NTRK2: variants seen among roughly 807,000 people sequenced by gnomAD.
The protein encoded by NTRK2 is BDNF/NT-3 growth factors receptor.
Under a neutral mutation model 94.5 loss-of-function variants are expected in NTRK2, and 13 were observed. The observed-to-expected ratio is 0.14, with a 90% CI of 0.09 to 0.22. The LOEUF (loss-of-function observed/expected upper bound fraction) is 0.22. NTRK2 is among the 10% of genes least tolerant of loss of function. NTRK2 has a pLI of 1.00. For synonymous variants in NTRK2, 372 were observed against 407.4 expected (o/e 0.91, Z 1.05); for missense variants, 639 against 1,071.2 (o/e 0.60, Z 5.63).
intron 15 of NTRK2, among the ~76,000 whole-genome samples, chr9:84,938,176 G>A (rs906250527): frequency 8.5e-5 from 13 of 152,310 alleles, no homozygotes; most frequent in African/African-American, 3.1e-4. Flanking sequence ...ACTTCAGCAA[G>A]CACTTTCGTT....
chr9:84,929,991 G>A (rs745588688), intron 14 of NTRK2, among the ~76,000 whole-genome samples: 1 of 152,200 alleles, frequency 6.6e-6, no homozygotes, highest in Non-Finnish European at 1.5e-5. Context: ...ATGCTTATGT[G>A]ATAGCTTATT....
intron 17 of NTRK2, among the ~76,000 whole-genome samples, chr9:85,013,189 G>T (rs1054579108): frequency 7.2e-5 from 11 of 152,134 alleles, no homozygotes; most frequent in Non-Finnish European, 1.5e-4. Flanking sequence ...ATAGCTACGT[G>T]CCTAGAAGCC....
chr9:84,869,526 C>T (rs1197379705), intron 14 of NTRK2, among the ~76,000 whole-genome samples: 1 of 152,028 alleles, frequency 6.6e-6, no homozygotes, highest in African/African-American at 2.4e-5. Flanking sequence ...TCTTTCCTTC[C>T]CTTCACCCTT....
At chr9:84,713,011 G>A (rs1389465482) in intron 6 of NTRK2, among the ~76,000 whole-genome samples, 1 of 152,142 alleles carries the variant, frequency 6.6e-6, no homozygotes, top group Non-Finnish European at 1.5e-5. Context: ...AGAATTGTTG[G>A]TTTATGTGGT....
At chr9:84,795,399 G>A (rs909232901) in intron 12 of NTRK2, among the ~76,000 whole-genome samples, 2 of 152,202 alleles carry the variant, frequency 1.3e-5, no homozygotes, top group African/African-American at 4.8e-5. Flanking sequence ...TTTGGGGACA[G>A]AGGAACTATG....
chr9:84,895,420 C>T (rs2076728905), intron 14 of NTRK2, among the ~76,000 whole-genome samples: 1 of 152,174 alleles, frequency 6.6e-6, no homozygotes, highest in Non-Finnish European at 1.5e-5. Context: ...TATACTTCAT[C>T]CCGGCAGCCA....
intron 2 of NTRK2, among the ~76,000 whole-genome samples, chr9:84,685,335 A>G (rs2059643322): frequency 1.3e-5 from 2 of 150,952 alleles, no homozygotes; most frequent in South Asian, 4.2e-4. Context: ...TTTACATGCC[A>G]GCATTAAATT....
intron 10 of NTRK2, 117 bp downstream of exon 10, chr9:84,742,044 A>G: frequency 1.2e-6 from 1 of 839,814 alleles, no homozygotes; most frequent in Non-Finnish European, 1.9e-6. Flanking sequence ...TAAGCATTAC[A>G]TAGGCCAAAA....
intron 2 of NTRK2, among the ~76,000 whole-genome samples, chr9:84,682,378 G>C (rs116129801): frequency 6.6e-6 from 1 of 152,104 alleles, no homozygotes; most frequent in Non-Finnish European, 1.5e-5. Flanking sequence ...TGCAAGCAGC[G>C]CAAAGGAGTG....
chr9:84,862,533 C>A (rs2075385173), intron 13 of NTRK2, among the ~76,000 whole-genome samples: 1 of 152,212 alleles, frequency 6.6e-6, no homozygotes, highest in Non-Finnish European at 1.5e-5. Flanking sequence ...TAGGCCACAG[C>A]AGAGAGCTCT....
intron 12 of NTRK2, among the ~76,000 whole-genome samples, chr9:84,827,599 C>G (rs116507325): frequency 0.011 from 1,711 of 152,312 alleles, 34 homozygotes; most frequent in African/African-American, 0.039. Context: ...TGTCTTTTGA[C>G]TCAATTGGGC....
chr9:84,864,549 G>C (rs746909292), intron 13 of NTRK2, among the ~76,000 whole-genome samples: 1 of 152,146 alleles, frequency 6.6e-6, no homozygotes, highest in Non-Finnish European at 1.5e-5. Context: ...TGGGGGTAAA[G>C]GTGGTGCCTG....
intron 12 of NTRK2, among the ~76,000 whole-genome samples, chr9:84,846,202 G>C (rs1056579281): frequency 7.9e-5 from 12 of 152,174 alleles, no homozygotes; most frequent in African/African-American, 2.4e-4. Flanking sequence ...TAATTTATTT[G>C]GTTGGGTTAA....
At chr9:84,771,215 G>A (rs2066513000) in intron 12 of NTRK2, among the ~76,000 whole-genome samples, 1 of 152,186 alleles carries the variant, frequency 6.6e-6, no homozygotes. Context: ...CAGGGCATTA[G>A]CAATGAGATT....
intron 17 of NTRK2, among the ~76,000 whole-genome samples, chr9:84,976,799 T>C (rs184631991): frequency 1.1e-3 from 170 of 152,302 alleles, no homozygotes; most frequent in African/African-American, 3.3e-3. Context: ...TTTTGTCCAT[T>C]GTAAATGTTT....
At chr9:84,750,902 C>T (rs1025666409) in intron 11 of NTRK2, among the ~76,000 whole-genome samples, 35 of 152,284 alleles carry the variant, frequency 2.3e-4, no homozygotes, top group African/African-American at 7.2e-4. Context: ...GCAGAGTGAT[C>T]GCATTTCTAT....
At chr9:84,689,055 C>T (rs995749279) in intron 2 of NTRK2, among the ~76,000 whole-genome samples, 1 of 152,204 alleles carries the variant, frequency 6.6e-6, no homozygotes, top group Non-Finnish European at 1.5e-5. Context: ...TGAGCTGATG[C>T]ATGTAGAATG....
intron 12 of NTRK2, among the ~76,000 whole-genome samples, chr9:84,769,643 C>T (rs898175886): frequency 1.3e-5 from 2 of 152,160 alleles, no homozygotes; most frequent in Non-Finnish European, 2.9e-5. Context: ...CAGTGTTTCT[C>T]TTGGTTTTTA....
chr9:84,699,438 G>T (rs868800953), intron 2 of NTRK2, among the ~76,000 whole-genome samples: 1 of 152,132 alleles, frequency 6.6e-6, no homozygotes, highest in South Asian at 2.1e-4. Flanking sequence ...CAGTAGAAGC[G>T]TATTCTCTAG....
Sources: gnomAD v4.1 joint callset for allele counts (sites outside exome capture counted in the v4.1 genomes callset) on GRCh38, gnomAD v4.1.1 for gene constraint, MANE v1.5 for transcripts, NCBI Gene and HGNC (gene_info 2026-07-23, HGNC 2026-07-21) for gene names.